Variants in RAB21 observed in about 807,000 individuals in gnomAD.
RAB21 encodes ras-related protein Rab-21.
RAB21 carries 13 observed loss-of-function variants against 33.1 expected under a neutral mutation model. The observed-to-expected ratio is 0.39, with a 90% confidence interval of 0.26 to 0.62. The LOEUF is 0.62. Among genes scored for constraint, RAB21 ranks in the 20% least tolerant of loss-of-function variants. The pLI is 0.48. For missense variants in RAB21, 234 were observed against 279.1 expected (o/e 0.84, Z 1.15); for synonymous variants, 91 against 103.7 (o/e 0.88, Z 0.74).
At position 71,755,174 on chromosome 12, in the gene RAB21, C is replaced by G. The variant is rs773722198; in HGVS notation, c.45C>G (p.Gly15=). 3.2e-5 allele frequency: 44 copies of G among 1,378,956 alleles called. No individual in the cohort carries two copies. The highest frequency in any genetic ancestry group is 3.8e-5 in the Non-Finnish European group (40 of 1,064,924). 85.4% of individuals were successfully genotyped at this position (1,378,956 alleles called of 1,614,324 possible). A position where few individuals can be genotyped will look rare whatever the true frequency, so the allele number is the denominator to read the frequency against. The part of the protein sequence containing the change: ...GGGGGGAAAA[G]RAYSFKVVLL... Reference sequence around the variant, plus strand: ...GCGGCGGCGGGGCGGCGGCGGCGGGCCGAGCCTACTCGTTCAAGGTGGTGC... The same window carrying G: ...GCGGCGGCGGGGCGGCGGCGGCGGGGCGAGCCTACTCGTTCAAGGTGGTGC... Residue 15 remains glycine (G), a synonymous_variant, in exon 1 of 7, where the codon GGC becomes GGG. Coordinates refer to ENST00000261263, the MANE Select transcript of RAB21 (RefSeq NM_014999.4).
intron 3 of RAB21, among the ~76,000 whole-genome samples, chr12:71,771,506 T>C (rs946048071): frequency 3.3e-5 from 5 of 152,252 alleles, no homozygotes; most frequent in Non-Finnish European, 5.9e-5. Flanking sequence ...AGAGCAGATA[T>C]ACAAGTTAGC....
chr12:71,763,371 A>T (rs1459169258), intron 1 of RAB21, among the ~76,000 whole-genome samples: 4 of 152,122 alleles, frequency 2.6e-5, no homozygotes, highest in African/African-American at 7.2e-5. Context: ...TGATTAAACA[A>T]GTTATGAAAA....
At chr12:71,756,454 G>A (rs935021470) in intron 1 of RAB21, among the ~76,000 whole-genome samples, 5 of 152,104 alleles carry the variant, frequency 3.3e-5, no homozygotes, top group Non-Finnish European at 7.4e-5. Flanking sequence ...AATAGAATGC[G>A]TAATCTCCTA....
At chr12:71,780,452 C>T (rs574467213) in intron 4 of RAB21, among the ~76,000 whole-genome samples, 77 of 152,282 alleles carry the variant, frequency 5.1e-4, no homozygotes, top group Non-Finnish European at 9.3e-4. Context: ...ACGGTTTTTC[C>T]TCTGGTTACT....
intron 6 of RAB21, 97 bp downstream of exon 6, chr12:71,782,755 A>T: frequency 1.2e-6 from 1 of 813,014 alleles, no homozygotes; most frequent in Non-Finnish European, 1.9e-6. Flanking sequence ...TTTTCAAAGA[A>T]TTGGTTCTTT....
At position 71,784,967 on chromosome 12, in the gene RAB21, C is replaced by A. The variant is rs1037674626; in HGVS notation, c.536-564C>A. On this transcript the variant is annotated intron_variant, in intron 6 of 6. Coordinates refer to ENST00000261263, the MANE Select transcript of RAB21 (RefSeq NM_014999.4). The stretch of plus-strand genomic sequence containing the variant: ...ACTCAGCCAGGCATGGTGTTGCATA[C>A]CTGTAATTCCAGCTACTCAGGGACT... 9.2e-5 allele frequency among the ~76,000 whole-genome samples: 14 copies of A among 151,726 alleles called. 1 individual carries two copies. In the South Asian group the frequency reaches 1.3e-3, roughly 14 times the overall value.
chr12:71,786,002 C>T lies in RAB21; in HGVS notation c.*329C>T, dbSNP rs534654143. ...CTGCAAGCTCCACCTCCCAGGTTCA[C>T]GCCATTCTCCTGCCTCAGCCTCCCG... is the stretch of plus-strand genomic sequence containing the variant. On this transcript the variant is annotated 3_prime_UTR_variant, in exon 7 of 7. Transcript: ENST00000261263. 2.7e-3 allele frequency: 478 copies of T among 175,596 alleles called. 5 individuals are homozygous for T. The highest frequency in any genetic ancestry group is 0.011 in the African/African-American group (445 of 41,646). 10.9% of individuals were successfully genotyped at this position (175,596 alleles called of 1,614,324 possible).
chr12:71,782,019 T>A lies in RAB21; in HGVS notation c.392-12T>A. On this transcript the variant is annotated splice_polypyrimidine_tract_variant and intron_variant, in intron 4 of 6. Transcript: ENST00000261263. ...TCAGTATAAAGATAAATATTTACTTTTTTCAAAATAGGTAATAAAATAGAC... is the reference window on the plus strand; with the variant it reads ...TCAGTATAAAGATAAATATTTACTTATTTCAAAATAGGTAATAAAATAGAC... 1 of 1,574,356 alleles carries A rather than the reference T, an allele frequency of 6.4e-7. No individual in the cohort carries two copies. The highest frequency in any genetic ancestry group is 8.7e-7 in the Non-Finnish European group (1 of 1,146,184).
At chr12:71,769,348 T>A (rs1022144492) in intron 1 of RAB21, among the ~76,000 whole-genome samples, 2 of 152,188 alleles carry the variant, frequency 1.3e-5, no homozygotes, top group Non-Finnish European at 2.9e-5. Flanking sequence ...CTTAGGATAA[T>A]TATTGAATAT....
intron 1 of RAB21, among the ~76,000 whole-genome samples, chr12:71,761,059 T>A (rs955378569): frequency 6.8e-6 from 1 of 147,092 alleles, no homozygotes; most frequent in Admixed American, 6.8e-5. Context: ...AAAAAAAAAA[T>A]AGCTGGGCAT....
chr12:71,763,386 T>G (rs1320280604), intron 1 of RAB21, among the ~76,000 whole-genome samples: 2 of 152,134 alleles, frequency 1.3e-5, no homozygotes, highest in African/African-American at 4.8e-5. Flanking sequence ...TGAAAAGACT[T>G]TAATTTGGCA....
chr12:71,759,862 G>C (rs917098057), intron 1 of RAB21, among the ~76,000 whole-genome samples: 7 of 152,192 alleles, frequency 4.6e-5, no homozygotes, highest in African/African-American at 1.7e-4. Context: ...CATAGCCATC[G>C]TGATCCTGAC....
intron 4 of RAB21, among the ~76,000 whole-genome samples, chr12:71,776,681 T>C (rs1883124375): frequency 6.6e-6 from 1 of 151,938 alleles, no homozygotes; most frequent in South Asian, 2.1e-4. Flanking sequence ...AGGGACTGAT[T>C]TGAGTAATAA....
intron 1 of RAB21, among the ~76,000 whole-genome samples, chr12:71,758,321 C>T (rs1439534347): frequency 6.6e-6 from 1 of 152,098 alleles, no homozygotes; most frequent in Non-Finnish European, 1.5e-5. Context: ...GTGTGAGCCA[C>T]CACTTCCGGT....
intron 1 of RAB21, among the ~76,000 whole-genome samples, chr12:71,758,930 TC>T (rs1218714790): frequency 2.0e-5 from 3 of 152,192 alleles, no homozygotes. Flanking sequence ...AGAATCCTTT[TC>T]CAACACTGAA....
At chr12:71,783,620 C>G (rs1249828510) in intron 6 of RAB21, among the ~76,000 whole-genome samples, 1 of 152,152 alleles carries the variant, frequency 6.6e-6, no homozygotes, top group African/African-American at 2.4e-5. Flanking sequence ...GCTCTCCAAG[C>G]CTGCCGAATC....
intron 1 of RAB21, among the ~76,000 whole-genome samples, chr12:71,764,211 G>A (rs540531962): frequency 1.3e-5 from 2 of 152,144 alleles, no homozygotes; most frequent in Admixed American, 1.3e-4. Flanking sequence ...ATTGTTTTTA[G>A]TATGTGCGTA....
intron 5 of RAB21, 73 bp from the exon 6 acceptor site, chr12:71,782,497 A>G: frequency 1.0e-6 from 1 of 991,022 alleles, no homozygotes; most frequent in African/African-American, 1.6e-5. Context: ...TAAAACTGTT[A>G]CTATAAAAAA....
At chr12:71,761,947 A>T (rs991228546) in intron 1 of RAB21, among the ~76,000 whole-genome samples, 2 of 152,194 alleles carry the variant, frequency 1.3e-5, no homozygotes, top group South Asian at 2.1e-4. Context: ...AGTATTTTGT[A>T]AGTATCCTTG....
Sources: gnomAD v4.1 joint callset for allele counts (sites outside exome capture counted in the v4.1 genomes callset) on GRCh38, gnomAD v4.1.1 for gene constraint, MANE v1.5 for transcripts, NCBI Gene and HGNC (gene_info 2026-07-23, HGNC 2026-07-21) for gene names.